Variants in LRRIQ3 observed in about 807,000 individuals in gnomAD.
LRRIQ3 encodes the protein leucine-rich repeat and IQ domain-containing protein 3.
Under a neutral mutation model 59.3 loss-of-function variants are expected in LRRIQ3, and 75 were observed. The observed-to-expected ratio is 1.26, with a 90% CI of 1.05 to 1.53. The LOEUF is 1.53. Ranked by LOEUF, LRRIQ3 falls within the 40% of genes most tolerant of loss-of-function variation. The pLI is 0.00. For missense variants in LRRIQ3, 831 were observed against 710.0 expected, an observed-to-expected ratio of 1.17 and a Z score of -1.94; for synonymous variants, 250 against 231.3, an observed-to-expected ratio of 1.08 and a Z score of -0.73.
chr1:74,074,963 A>G (rs747343081), intron 5 of LRRIQ3, among the ~76,000 whole-genome samples, 173 bp from the exon 6 acceptor site: 4 of 152,170 alleles, frequency 2.6e-5, no homozygotes, highest in Admixed American at 6.5e-5. Flanking sequence ...TCCATTGTGT[A>G]TAATTTTAAC....
At chr1:74,168,987 C>A (rs1176770931) in intron 3 of LRRIQ3, among the ~76,000 whole-genome samples, 1 of 152,124 alleles carries the variant, frequency 6.6e-6, no homozygotes, top group Non-Finnish European at 1.5e-5. Context: ...TACATTATTG[C>A]AAGCTTTAGG....
intron 6 of LRRIQ3, among the ~76,000 whole-genome samples, chr1:74,047,595 T>C (rs569559944): frequency 2.0e-5 from 3 of 151,574 alleles, no homozygotes; most frequent in Non-Finnish European, 4.4e-5. Context: ...GAAATTAAAG[T>C]ATATATATAT....
At chr1:74,127,971 G>T (rs144744966) in intron 4 of LRRIQ3, among the ~76,000 whole-genome samples, 1 of 151,962 alleles carries the variant, frequency 6.6e-6, no homozygotes, top group African/African-American at 2.4e-5. Flanking sequence ...CTATATGAAG[G>T]ATATTTTTAC....
intron 5 of LRRIQ3, among the ~76,000 whole-genome samples, chr1:74,085,075 A>G (rs1218976611): frequency 6.6e-6 from 1 of 151,802 alleles, no homozygotes; most frequent in Non-Finnish European, 1.5e-5. Context: ...ATTCCCTTCA[A>G]TCTTCCCACC....
intron 1 of LRRIQ3, among the ~76,000 whole-genome samples, chr1:74,194,786 T>G (rs563048527): frequency 2.6e-5 from 4 of 152,224 alleles, no homozygotes; most frequent in African/African-American, 9.6e-5. Flanking sequence ...TTAGCTTTCA[T>G]AGAACAGATT....
At chr1:74,160,051 A>T (rs926710865) in intron 3 of LRRIQ3, among the ~76,000 whole-genome samples, 1 of 152,112 alleles carries the variant, frequency 6.6e-6, no homozygotes, top group African/African-American at 2.4e-5. Flanking sequence ...TACAGAATAC[A>T]GGATGATTTT....
chr1:74,052,219 T>G (rs1282770075), intron 6 of LRRIQ3, among the ~76,000 whole-genome samples: 2 of 152,172 alleles, frequency 1.3e-5, no homozygotes, highest in African/African-American at 4.8e-5. Context: ...CGATGTCCAC[T>G]GAAACAGTGC....
intron 6 of LRRIQ3, among the ~76,000 whole-genome samples, chr1:74,067,632 TG>T (rs1654903293): frequency 2.6e-5 from 4 of 152,138 alleles, no homozygotes; most frequent in African/African-American, 7.2e-5. Flanking sequence ...AAAATTCTTT[TG>T]GAGTCATATG....
intron 5 of LRRIQ3, among the ~76,000 whole-genome samples, chr1:74,088,731 A>G (rs952721522): frequency 2.6e-5 from 4 of 151,878 alleles, no homozygotes; most frequent in Non-Finnish European, 5.9e-5. Context: ...GAAAACATAG[A>G]AAAAAAATCT....
chr1:74,076,089 A>T (rs1646206718), intron 5 of LRRIQ3, among the ~76,000 whole-genome samples: 1 of 152,146 alleles, frequency 6.6e-6, no homozygotes. Context: ...CCATGACAGA[A>T]GAAAAGAGTA....
At chr1:74,127,488 A>AT (rs1032413864) in intron 4 of LRRIQ3, among the ~76,000 whole-genome samples, 8 of 151,090 alleles carry the variant, frequency 5.3e-5, no homozygotes, top group African/African-American at 1.2e-4. Context: ...TATCTGCTGT[A>AT]TTTTTTTTAT....
At chr1:74,142,635 T>C (rs1647309194) in intron 4 of LRRIQ3, among the ~76,000 whole-genome samples, 1 of 152,070 alleles carries the variant, frequency 6.6e-6, no homozygotes, top group Non-Finnish European at 1.5e-5. Context: ...TTTGTATTTT[T>C]AAAGGGTACT....
At chr1:74,097,029 C>A (rs1646458761) in intron 5 of LRRIQ3, among the ~76,000 whole-genome samples, 1 of 152,116 alleles carries the variant, frequency 6.6e-6, no homozygotes, top group Non-Finnish European at 1.5e-5. Context: ...TGTCTGTTCT[C>A]AGATCTCAAA....
intron 6 of LRRIQ3, among the ~76,000 whole-genome samples, chr1:74,049,562 G>C (rs564758809): frequency 6.6e-6 from 1 of 152,258 alleles, no homozygotes; most frequent in South Asian, 2.1e-4. Flanking sequence ...AAAAATCAAA[G>C]ATGAATGGTA....
intron 7 of LRRIQ3, among the ~76,000 whole-genome samples, chr1:74,028,892 G>T (rs183197684): frequency 6.6e-6 from 1 of 152,046 alleles, no homozygotes; most frequent in Admixed American, 6.6e-5. Flanking sequence ...AGGTCTGGAC[G>T]TGTAGCAGAG....
intron 4 of LRRIQ3, chr1:74,138,379 TG>T: frequency 1.7e-6 from 1 of 581,642 alleles, no homozygotes; most frequent in South Asian, 7.4e-5. Flanking sequence ...CTGAGTAAAC[TG>T]GGGCCAAAAT....
In LRRIQ3 at chr1:74,196,233, C is replaced by G. The variant is rs534006605; in HGVS notation, c.-1+1763G>C. ...TCCAATAAATACTCTATTTAATATTCTGTATGATAGAATCTAACACATCAC... is the reference window on the plus strand; with the variant it reads ...TCCAATAAATACTCTATTTAATATTGTGTATGATAGAATCTAACACATCAC... On this transcript the variant is annotated intron_variant, in intron 1 of 7. Transcript: ENST00000354431. 4.6e-5 allele frequency among the ~76,000 whole-genome samples: 7 copies of G among 152,206 alleles called. No homozygotes were observed. The South Asian group carries it at 1.0e-3, about 23-fold the overall frequency.
intron 6 of LRRIQ3, among the ~76,000 whole-genome samples, chr1:74,056,170 TA>T (rs1257854104): frequency 1.3e-5 from 2 of 149,814 alleles, no homozygotes; most frequent in Non-Finnish European, 1.5e-5. Context: ...AATAAATAAA[TA>T]AATAAATAAA....
intron 4 of LRRIQ3, among the ~76,000 whole-genome samples, chr1:74,149,990 T>G (rs1292118004): frequency 6.6e-6 from 1 of 152,096 alleles, no homozygotes; most frequent in Non-Finnish European, 1.5e-5. Flanking sequence ...GCCAAGGAAA[T>G]GTAGGAAAGG....
Sources: gnomAD v4.1 joint callset for allele counts (sites outside exome capture counted in the v4.1 genomes callset) on GRCh38, gnomAD v4.1.1 for gene constraint, MANE v1.5 for transcripts, NCBI Gene and HGNC (gene_info 2026-07-23, HGNC 2026-07-21) for gene names.